Variants in ITGB7 observed in about 807,000 individuals in gnomAD.
ITGB7 encodes the protein integrin subunit beta 7, also known as integrin beta-7.
A neutral mutation model predicts 83.4 loss-of-function variants in ITGB7; 55 were observed. The ratio of observed to expected loss-of-function variants is 0.66; its 90% CI spans 0.53 to 0.83. The LOEUF is 0.83. Among genes scored for constraint, ITGB7 ranks in the 40% least tolerant of loss-of-function variants. ITGB7 has a pLI of 0.00. For missense variants in ITGB7, 921 were observed against 1,046.7 expected (o/e 0.88, Z 1.66); for synonymous variants, 454 against 423.6 (o/e 1.07, Z -0.88).
intron 3 of ITGB7, 31 bp from the exon 4 acceptor site, chr12:53,197,982 C>A (rs952191335): frequency 6.6e-7 from 1 of 1,520,670 alleles, no homozygotes; most frequent in Non-Finnish European, 8.8e-7. Flanking sequence ...CGTCGGGACC[C>A]GGTCCTGCAT....
At position 53,196,660 on chromosome 12, in the gene ITGB7, C is replaced by G. The variant is rs368434898; in HGVS notation, c.735G>C (p.Glu245Asp). 1.2e-6 allele frequency: 2 copies of G among 1,611,480 alleles called. No homozygotes were observed. The highest frequency in any genetic ancestry group is 1.3e-5 in the African/African-American group (1 of 74,892). Reference sequence around the variant, plus strand: ...TGCCGGACACACTCTGGCGCCCCACCTCCCGCTCGAAGGCTTGTGCGTCCC... The same window carrying G: ...TGCCGGACACACTCTGGCGCCCCACGTCCCGCTCGAAGGCTTGTGCGTCCC... ...LTGDAQAFER[E>D]VGRQSVSGNL... The change falls in exon 6 of 16, where the codon GAG becomes GAC. Residue 245 changes from glutamate (E) to aspartate (D), a missense_variant. Glu to Asp is a conservative substitution (Grantham distance 45). Coordinates refer to ENST00000267082, the MANE Select transcript of ITGB7 (RefSeq NM_000889.3).
At chr12:53,198,043 A>C in intron 3 of ITGB7, 92 bp from the exon 4 acceptor site, 3 of 968,136 alleles carry the variant, frequency 3.1e-6, no homozygotes, top group Non-Finnish European at 4.6e-6. Flanking sequence ...GCCACCTCTA[A>C]TGCCCCCACC....
In ITGB7 at chr12:53,193,784, A is replaced by G; in HGVS notation, c.1426T>C (p.Cys476Arg). Residue 476 changes from cysteine to arginine, a missense_variant, in exon 11 of 16, where the codon TGT becomes CGT. Coordinates refer to ENST00000267082, the MANE Select transcript of ITGB7 (RefSeq NM_000889.3). ...TGGGGCTGGGTGTCACTGCAATTAC[A>G]GTCACACAGCGTGTGCAACTCCACA... ...LIVELHTLCD[C>R]NCSDTQPQAP... 6.2e-7 allele frequency: 1 copy of G among 1,614,104 alleles called. No individual in the cohort carries two copies. The highest frequency in any genetic ancestry group is 1.3e-5 in the African/African-American group (1 of 75,010).
chr12:53,199,612 G>C (rs1942274088), intron 3 of ITGB7, among the ~76,000 whole-genome samples: 1 of 148,224 alleles, frequency 6.7e-6, no homozygotes, highest in Non-Finnish European at 1.5e-5. Context: ...GCTTAGATGA[G>C]GGCCTAAGGG....
At chr12:53,203,742 A>G (rs1014449480) in intron 1 of ITGB7, among the ~76,000 whole-genome samples, 1 of 152,068 alleles carries the variant, frequency 6.6e-6, no homozygotes, top group African/African-American at 2.4e-5. Flanking sequence ...TAGAATGACT[A>G]TCAAAAAATG....
intron 3 of ITGB7, among the ~76,000 whole-genome samples, chr12:53,198,354 T>A (rs1193821670): frequency 6.6e-6 from 1 of 151,940 alleles, no homozygotes; most frequent in African/African-American, 2.4e-5. Context: ...CTCAAACTTT[T>A]GACCTCAAGT....
Position 53,201,081 on chromosome 12 carries a change from AAGCCGTAGTGGTAGAAG to A in ITGB7, c.-30_-14del, listed in dbSNP as rs1378947874. ...ACCCAGTTCTATTTACCGAGATCCCAAGCCGTAGTGGTAGAAGAGCCAAACAGGAAACAGACCAGATT... is the reference window on the plus strand; with the variant it reads ...ACCCAGTTCTATTTACCGAGATCCCAAGCCAAACAGGAAACAGACCAGATT... On this transcript the variant is annotated 5_prime_UTR_variant, in exon 2 of 16. Transcript: ENST00000267082. The A allele has an allele frequency of 6.6e-6, 1 of 152,238 alleles. No individual in the cohort carries two copies. The highest frequency in any genetic ancestry group is 1.5e-5 in the Non-Finnish European group (1 of 68,096). The allele number at this position is 152,238 out of a possible 1,614,324, so 9.4% of individuals were successfully genotyped here.
chr12:53,196,326 G>T, intron 6 of ITGB7, 127 bp from the exon 7 acceptor site: 1 of 1,170,024 alleles, frequency 8.5e-7, no homozygotes, highest in Non-Finnish European at 1.2e-6. Context: ...CTTGCCTCCA[G>T]TACCTTGCTT....
chr12:53,203,090 C>G (rs1354198094), intron 1 of ITGB7, among the ~76,000 whole-genome samples: 1 of 152,092 alleles, frequency 6.6e-6, no homozygotes, highest in Non-Finnish European at 1.5e-5. Flanking sequence ...TGGACTTCAT[C>G]AAAAATTTAA....
intron 6 of ITGB7, 184 bp from the exon 7 acceptor site, chr12:53,196,383 GCTTA>G: frequency 1.0e-6 from 1 of 995,960 alleles, no homozygotes; most frequent in Non-Finnish European, 1.4e-6. Flanking sequence ...GCTAGTGGAG[GCTTA>G]CTTGTGAATT....
chr12:53,196,695 AC>A lies in ITGB7; in HGVS notation c.699del (p.Ser234ProfsTer2). ...AAGGCTTGTGCGTCCCCCGTCAGGGACAGCACATGGTGAAAGCTGAATGGTG... is the reference window on the plus strand; with the variant it reads ...AAGGCTTGTGCGTCCCCCGTCAGGGAAGCACATGGTGAAAGCTGAATGGTG... ...CQSPFSFHHV[L>X]SLTGDAQAFE... On this transcript the variant is annotated frameshift_variant, in exon 6 of 16. Transcript: ENST00000267082. LOFTEE classifies it high-confidence loss of function. The A allele has an allele frequency of 6.2e-7, 1 of 1,612,554 alleles. No homozygotes were observed. Among genetic ancestry groups the A allele is most frequent in the Middle Eastern group, 1.7e-4 (1 of 6,060 alleles).
chr12:53,193,706 A>C lies in ITGB7; in HGVS notation c.1502+2T>G. The C allele has an allele frequency of 6.2e-7, 1 of 1,608,118 alleles. No homozygotes were observed. Among genetic ancestry groups the C allele is most frequent in the South Asian group, 1.1e-5 (1 of 90,360 alleles). The stretch of plus-strand genomic sequence containing the variant: ...TGGTTGAAGGGAAGAGGAGGCCCTC[A>C]CCTGCATACACCACATTGTAGGTGT... On this transcript the variant is annotated splice_donor_variant, in intron 11 of 15. Coordinates refer to ENST00000267082, the MANE Select transcript of ITGB7 (RefSeq NM_000889.3). LOFTEE classifies it high-confidence loss of function.
At chr12:53,191,730 A>T (rs1941952212) in intron 15 of ITGB7, 94 bp from the exon 16 acceptor site, 1 of 1,514,108 alleles carries the variant, frequency 6.6e-7, no homozygotes, top group South Asian at 1.1e-5. Flanking sequence ...GAATCCTAGG[A>T]GCTGATGGAA....
Position 53,196,765 on chromosome 12 carries a change from G to C in ITGB7, c.630C>G (p.Ser210=). The change falls in exon 6 of 16, where the codon TCC becomes TCG. Residue 210 remains serine (S), a synonymous_variant. Transcript: ENST00000267082. Reference sequence around the variant, plus strand: ...GGGTGGGGCAGGGGTGGCGCAGTTTGGAGGGTACTGTGCTCACAAAGGGCA... The same window carrying C: ...GGGTGGGGCAGGGGTGGCGCAGTTTCGAGGGTACTGTGCTCACAAAGGGCA... The part of the protein sequence containing the change: ...TVLPFVSTVP[S]KLRHPCPTRL... The C allele has an allele frequency of 6.2e-7, 1 of 1,613,552 alleles. No homozygotes were observed.
chr12:53,192,455 A>G lies in ITGB7; in HGVS notation c.2030T>C (p.Leu677Pro). Residue 677 changes from leucine to proline, a missense_variant, in exon 14 of 16, where the codon CTG becomes CCG. Leu to Pro is a moderately conservative substitution (Grantham distance 98). Coordinates refer to ENST00000267082, the MANE Select transcript of ITGB7 (RefSeq NM_000889.3). ...STACAHTNVT[L>P]ALAPILDDGW... is the part of the protein sequence containing the mutation. ...ATCATCCAAGATAGGGGCCAAGGCC[A>G]GGGTCACATTGGTATGGGCACAAGC... 6.2e-7 allele frequency: 1 copy of G among 1,614,170 alleles called. No individual in the cohort carries two copies. Among genetic ancestry groups the G allele is most frequent in the Non-Finnish European group, 8.5e-7 (1 of 1,180,034 alleles).
At chr12:53,193,611 G>T in intron 11 of ITGB7, 97 bp downstream of exon 11, 2 of 1,096,856 alleles carry the variant, frequency 1.8e-6, no homozygotes, top group Non-Finnish European at 2.6e-6. Flanking sequence ...ATGTCGAGGA[G>T]ACTCCTGTGG....
intron 6 of ITGB7, 44 bp downstream of exon 6, chr12:53,196,535 C>A: frequency 6.3e-7 from 1 of 1,579,322 alleles, no homozygotes; most frequent in South Asian, 1.2e-5. Context: ...CAGTCCTGTT[C>A]CCAAACAGAC....
At position 53,193,219 on chromosome 12, in the gene ITGB7, G is replaced by T. The variant is rs990665538; in HGVS notation, c.1647C>A (p.Ser549Arg). The T allele has an allele frequency of 2.9e-5, 47 of 1,614,040 alleles. No homozygotes were observed. The highest frequency in any genetic ancestry group is 3.8e-5 in the Non-Finnish European group (45 of 1,180,030). ...GATGCCCAGAGCTCTGTCCACTGCA[G>T]CTGCAGCGTCCACATTGACAGTGAC... ...GKGHCQCGRC[S>R]CSGQSSGHLC... is the part of the protein sequence containing the mutation. Residue 549 changes from serine to arginine, a missense_variant, in exon 12 of 16, where the codon AGC (serine) becomes AGA (arginine). Ser to Arg is a moderately radical substitution (Grantham distance 110). Coordinates refer to ENST00000267082, the MANE Select transcript of ITGB7 (RefSeq NM_000889.3).
intron 9 of ITGB7, 50 bp downstream of exon 9, chr12:53,195,324 C>T (rs369177890): frequency 1.1e-4 from 148 of 1,404,862 alleles, no homozygotes; most frequent in Middle Eastern, 2.3e-4. Flanking sequence ...CCCCTTTCCA[C>T]CTTTCCCTAG....
Sources: allele counts gnomAD v4.1 joint callset (sites outside exome capture counted in the v4.1 genomes callset), GRCh38; gene constraint gnomAD v4.1.1; transcripts MANE v1.5; gene names NCBI Gene and HGNC (gene_info 2026-07-23, HGNC 2026-07-21).